The following TMCO4 variants were observed in gnomAD, a reference collection of about 807,000 sequenced individuals.
TMCO4 encodes transmembrane and coiled-coil domains 4, also known as transmembrane and coiled-coil domain-containing protein 4.
In TMCO4, 58 loss-of-function variants were observed where a neutral mutation model predicts 64.7. That is an observed-to-expected ratio of 0.90 (90% CI 0.73 to 1.12). TMCO4 has a LOEUF of 1.12. Ranked by LOEUF, TMCO4 falls within the 50% of genes most tolerant of loss-of-function variation. The probability of loss-of-function intolerance (pLI) is 0.00; values close to 1 mark genes in which losing one functional copy is unlikely to be tolerated. For synonymous variants in TMCO4, 325 were observed against 346.1 expected (o/e 0.94, Z 0.68); for missense variants, 780 against 825.9 (o/e 0.94, Z 0.68).
At chr1:19,777,641 C>T (rs77922896) in intron 4 of TMCO4, among the ~76,000 whole-genome samples, 3,288 of 152,256 alleles carry the variant, frequency 0.022, 72 homozygotes, top group East Asian at 0.065. Context: ...AGCCACTGCG[C>T]CCAGCGCCAA....
intron 13 of TMCO4, among the ~76,000 whole-genome samples, chr1:19,718,746 C>T (rs77393801): frequency 1.7e-3 from 262 of 151,402 alleles, no homozygotes; most frequent in Non-Finnish European, 3.3e-3. Context: ...AAGAACGAGA[C>T]GGACTCTGTT....
At chr1:19,783,060 A>G (rs995872650) in intron 3 of TMCO4, among the ~76,000 whole-genome samples, 2 of 152,236 alleles carry the variant, frequency 1.3e-5, no homozygotes, top group African/African-American at 4.8e-5. Context: ...GCACAAAATG[A>G]TCAACAAACA....
At chr1:19,688,045 G>A (rs371652170) in intron 15 of TMCO4, among the ~76,000 whole-genome samples, 2 of 152,168 alleles carry the variant, frequency 1.3e-5, no homozygotes, top group Non-Finnish European at 2.9e-5. Flanking sequence ...CCGATACTGC[G>A]TGAAGATTCA....
At position 19,755,700 on chromosome 1, in the gene TMCO4, T is replaced by TC. The variant is rs971336643; in HGVS notation, c.448dup (p.Glu150GlyfsTer7). ...CATCTCTTCAAGGACATCCAGCTCCTCCAAGGGCACTTGGAGCAGGGAGGT... is the reference window on the plus strand; with the variant it reads ...CATCTCTTCAAGGACATCCAGCTCCTCCCAAGGGCACTTGGAGCAGGGAGGT... On this transcript the variant is annotated frameshift_variant, in exon 7 of 16. Coordinates refer to ENST00000294543, the MANE Select transcript of TMCO4 (RefSeq NM_181719.7). LOFTEE classifies it high-confidence loss of function. 3.1e-6 allele frequency: 5 copies of TC among 1,613,954 alleles called. No homozygotes were observed. The highest frequency in any genetic ancestry group is 4.2e-6 in the Non-Finnish European group (5 of 1,179,996).
chr1:19,688,881 T>C (rs113608102), intron 15 of TMCO4, among the ~76,000 whole-genome samples: 7 of 152,216 alleles, frequency 4.6e-5, no homozygotes, highest in Non-Finnish European at 8.8e-5. Context: ...TGCTGGGACA[T>C]GGAGAATCTT....
intron 6 of TMCO4, among the ~76,000 whole-genome samples, chr1:19,760,731 G>C (rs184991899): frequency 1.5e-4 from 23 of 152,242 alleles, no homozygotes; most frequent in Admixed American, 3.3e-4. Context: ...TGTTTATTTT[G>C]TCTCCTCTTC....
At chr1:19,788,863 C>T (rs2043875046) in intron 2 of TMCO4, among the ~76,000 whole-genome samples, 1 of 151,784 alleles carries the variant, frequency 6.6e-6, no homozygotes, top group Non-Finnish European at 1.5e-5. Context: ...ATCAGGAGGT[C>T]AGGAGATCAA....
chr1:19,769,808 G>A (rs1299368303), intron 6 of TMCO4, among the ~76,000 whole-genome samples: 2 of 151,100 alleles, frequency 1.3e-5, no homozygotes, highest in African/African-American at 4.9e-5. Context: ...GTAGACAGCA[G>A]TGGTCTCCAA....
At chr1:19,781,091 G>A (rs2043449977) in intron 3 of TMCO4, among the ~76,000 whole-genome samples, 1 of 148,402 alleles carries the variant, frequency 6.7e-6, no homozygotes, top group Non-Finnish European at 1.5e-5. Context: ...TCCACAGTGA[G>A]CCGAGATCGC....
At chr1:19,714,530 A>G (rs2095346615) in intron 13 of TMCO4, among the ~76,000 whole-genome samples, 1 of 152,192 alleles carries the variant, frequency 6.6e-6, no homozygotes, top group African/African-American at 2.4e-5. Flanking sequence ...GTGGTTTTAT[A>G]AGACTGGATT....
chr1:19,789,274 T>A (rs1011390410), intron 2 of TMCO4, among the ~76,000 whole-genome samples: 2 of 150,310 alleles, frequency 1.3e-5, no homozygotes, highest in Non-Finnish European at 3.0e-5. Context: ...TGCTGGTGCA[T>A]GCCTGTAACC....
chr1:19,737,255 A>C (rs1430667533), intron 13 of TMCO4, 117 bp downstream of exon 13: 1 of 1,026,334 alleles, frequency 9.7e-7, no homozygotes, highest in Admixed American at 2.3e-5. Context: ...ACTTTTAACT[A>C]TTATTTCTAA....
At chr1:19,745,710 G>A in intron 9 of TMCO4, 59 bp from the exon 10 acceptor site, 1 of 1,552,716 alleles carries the variant, frequency 6.4e-7, no homozygotes, top group South Asian at 1.2e-5. Context: ...GGAACATCAG[G>A]GTGGCTGTAT....
intron 4 of TMCO4, among the ~76,000 whole-genome samples, chr1:19,773,215 A>G (rs2043063282): frequency 1.3e-5 from 2 of 152,134 alleles, no homozygotes; most frequent in East Asian, 1.9e-4. Flanking sequence ...AAAAAAGTAA[A>G]CTAAATCCCG....
chr1:19,743,803 T>G lies in TMCO4; in HGVS notation c.877+1729A>C, dbSNP rs1461327189. The stretch of plus-strand genomic sequence containing the variant: ...GAGACCTGGGTTTGAATTGTGCATC[T>G]GCTACTCCCCTGCCAGGGTTCCTCT... On this transcript the variant is annotated intron_variant, in intron 10 of 15. Coordinates refer to ENST00000294543, the MANE Select transcript of TMCO4 (RefSeq NM_181719.7). This position sits in a 1 kb window ranked among gnomAD's most constrained non-coding sequence, Gnocchi z 4.1. 6.6e-6 allele frequency among the ~76,000 whole-genome samples: 1 copy of G among 152,202 alleles called. No homozygotes were observed. The highest frequency in any genetic ancestry group is 1.5e-5 in the Non-Finnish European group (1 of 68,038).
At chr1:19,694,673 G>A (rs1472833708) in intron 14 of TMCO4, 122 bp from the exon 15 acceptor site, 1 of 817,508 alleles carries the variant, frequency 1.2e-6, no homozygotes, top group South Asian at 1.6e-5. Context: ...GGAAAACAGG[G>A]CCCCTGATTG....
At chr1:19,726,548 C>T (rs374399171) in intron 13 of TMCO4, among the ~76,000 whole-genome samples, 1 of 152,068 alleles carries the variant, frequency 6.6e-6, no homozygotes. Flanking sequence ...CTAGTTATTT[C>T]ACCTCTGTAA....
intron 15 of TMCO4, among the ~76,000 whole-genome samples, chr1:19,693,122 G>A (rs1168716936): frequency 7.9e-6 from 1 of 126,298 alleles, no homozygotes; most frequent in Non-Finnish European, 1.6e-5. Flanking sequence ...GCAGTGAGCC[G>A]AGACTGTGCC....
intron 7 of TMCO4, among the ~76,000 whole-genome samples, chr1:19,752,579 TAGAG>T (rs1442082500): frequency 6.6e-6 from 1 of 152,002 alleles, no homozygotes; most frequent in Non-Finnish European, 1.5e-5. Context: ...TGCTGACAGA[TAGAG>T]AGAGCTTATC....
Sources: allele counts gnomAD v4.1 joint callset (sites outside exome capture counted in the v4.1 genomes callset), GRCh38; gene constraint gnomAD v4.1.1; non-coding constraint Gnocchi (gnomAD v3.1); transcripts MANE v1.5; gene names NCBI Gene and HGNC (gene_info 2026-07-23, HGNC 2026-07-21).